MACROD2: variants seen among roughly 807,000 people sequenced by gnomAD.
The protein encoded by MACROD2 is ADP-ribose glycohydrolase MACROD2.
MACROD2 carries 36 observed loss-of-function variants against 70.4 expected under a neutral mutation model. That is an observed-to-expected ratio of 0.51 (90% CI 0.39 to 0.68). The LOEUF (loss-of-function observed/expected upper bound fraction) is 0.68, where lower values mean the gene tolerates loss of function less well. MACROD2 is among the 30% of genes least tolerant of loss of function. The pLI is 0.00. For missense variants in MACROD2, 496 were observed against 538.4 expected, an observed-to-expected ratio of 0.92 and a Z score of 0.78; for synonymous variants, 172 against 178.8, an observed-to-expected ratio of 0.96 and a Z score of 0.30.
chr20:14,852,238 G>C (rs2073207079), intron 5 of MACROD2, among the ~76,000 whole-genome samples: 1 of 151,980 alleles, frequency 6.6e-6, no homozygotes, highest in Non-Finnish European at 1.5e-5. Context: ...AAGAAACCAA[G>C]GTACAACAGT....
Position 15,947,066 on chromosome 20 carries a change from G to A in MACROD2, c.907+9522G>A, listed in dbSNP as rs191749898. Among the ~76,000 whole-genome samples the A allele has an allele frequency of 4.7e-3, 709 of 152,246 alleles. 1 individual carries two copies. Among genetic ancestry groups the A allele is most frequent in the Middle Eastern group, 0.017 (5 of 294 alleles). On this transcript the variant is annotated intron_variant, in intron 12 of 17. Transcript: ENST00000684519. ...ATAATAAAGCAGCATTGCTGCCAAC[G>A]TGTCTCGACTCCCGCCACAGGGCGG...
intron 5 of MACROD2, among the ~76,000 whole-genome samples, chr20:14,714,680 C>T (rs1487937235): frequency 6.6e-6 from 1 of 152,104 alleles, no homozygotes; most frequent in East Asian, 1.9e-4. Flanking sequence ...TTTCCTCTTC[C>T]TGGCATTCTC....
chr20:14,350,279 T>A (rs2083110265), intron 3 of MACROD2, among the ~76,000 whole-genome samples: 1 of 152,052 alleles, frequency 6.6e-6, no homozygotes, highest in Admixed American at 6.5e-5. Flanking sequence ...GAGAGCTCTA[T>A]TTTTAGTTTT....
At chr20:15,083,369 A>G (rs1257285782) in intron 5 of MACROD2, among the ~76,000 whole-genome samples, 1 of 152,088 alleles carries the variant, frequency 6.6e-6, no homozygotes, top group African/African-American at 2.4e-5. Context: ...ATCATTCCCT[A>G]TTTTATTCTT....
chr20:14,463,691 A>G (rs1268656840), intron 3 of MACROD2, among the ~76,000 whole-genome samples: 1 of 152,026 alleles, frequency 6.6e-6, no homozygotes, highest in African/African-American at 2.4e-5. Context: ...AGCTCTTATT[A>G]TTTTGAGATA....
intron 3 of MACROD2, among the ~76,000 whole-genome samples, chr20:14,215,489 G>A (rs143392844): frequency 3.3e-5 from 5 of 151,800 alleles, no homozygotes; most frequent in Admixed American, 6.6e-5. Flanking sequence ...TATCTTTTTC[G>A]AATAATGACT....
intron 7 of MACROD2, among the ~76,000 whole-genome samples, chr20:15,494,638 A>C (rs2047271364): frequency 6.6e-6 from 1 of 152,066 alleles, no homozygotes; most frequent in Non-Finnish European, 1.5e-5. Flanking sequence ...TGATCATAGA[A>C]GTCAGAATAG....
At chr20:14,395,451 T>C (rs1375380107) in intron 3 of MACROD2, among the ~76,000 whole-genome samples, 1 of 152,140 alleles carries the variant, frequency 6.6e-6, no homozygotes, top group Non-Finnish European at 1.5e-5. Flanking sequence ...TTTCTCTCAG[T>C]ACTAATTTTT....
chr20:15,690,761 T>A (rs1251965414), intron 8 of MACROD2, among the ~76,000 whole-genome samples: 1 of 152,152 alleles, frequency 6.6e-6, no homozygotes, highest in Non-Finnish European at 1.5e-5. Flanking sequence ...AAACTCAAAA[T>A]CTAAAATAGA....
chr20:14,806,671 A>G (rs940015367), intron 5 of MACROD2, among the ~76,000 whole-genome samples: 3 of 152,110 alleles, frequency 2.0e-5, no homozygotes, highest in African/African-American at 7.2e-5. Context: ...CACGGAGACC[A>G]GCAAGCTAAT....
chr20:14,463,930 G>A (rs1166140218), intron 3 of MACROD2, among the ~76,000 whole-genome samples: 1 of 151,744 alleles, frequency 6.6e-6, no homozygotes, highest in Non-Finnish European at 1.5e-5. Context: ...ACTGGGTTTG[G>A]TTTGCCAGTA....
At chr20:15,977,302 A>G (rs149417722) in intron 13 of MACROD2, among the ~76,000 whole-genome samples, 5 of 152,364 alleles carry the variant, frequency 3.3e-5, no homozygotes, top group African/African-American at 7.2e-5. Flanking sequence ...ACAAACGTCA[A>G]TGTGACTGGA....
In MACROD2 at chr20:14,788,763, GTTTTTTTTTTT is replaced by G. The variant is rs1195877119; in HGVS notation, c.418+103817_418+103827del. Among the ~76,000 whole-genome samples the G allele has an allele frequency of 5.0e-5, 4 of 79,476 alleles. No individual in the cohort carries two copies. The East Asian group carries it at 1.5e-3, about 29-fold the overall frequency. The allele number at this position is 79,476 out of a possible 152,430, so 52.1% of individuals were successfully genotyped here. ...AAAAATTCCTCAAACTAGTGGTGGT[GTTTTTTTTTTT>G]TTTTTTTTTTTTGAGACAGACTCTT... is the stretch of plus-strand genomic sequence containing the variant. On this transcript the variant is annotated intron_variant, in intron 5 of 17. Transcript: ENST00000684519.
At chr20:15,219,201 A>C (rs1169436871) in intron 5 of MACROD2, among the ~76,000 whole-genome samples, 1 of 152,212 alleles carries the variant, frequency 6.6e-6, no homozygotes, top group Non-Finnish European at 1.5e-5. Flanking sequence ...GTTGCATTGG[A>C]AAAGTAAATA....
intron 4 of MACROD2, chr20:14,628,854 C>G (rs1984343634): frequency 6.6e-6 from 1 of 152,130 alleles, no homozygotes; most frequent in East Asian, 1.9e-4. Context: ...TTAGAAGATA[C>G]TATTTAGTGT....
chr20:15,402,226 A>T (rs1207894246), intron 6 of MACROD2, among the ~76,000 whole-genome samples: 2 of 152,174 alleles, frequency 1.3e-5, no homozygotes, highest in Non-Finnish European at 2.9e-5. Flanking sequence ...TGCACACGGC[A>T]TTATAGATAC....
At chr20:14,150,067 C>G (rs749313629) in intron 3 of MACROD2, among the ~76,000 whole-genome samples, 1 of 152,056 alleles carries the variant, frequency 6.6e-6, no homozygotes, top group Non-Finnish European at 1.5e-5. Context: ...CTCTCCCCAC[C>G]TTTCCCCCAT....
intron 12 of MACROD2, among the ~76,000 whole-genome samples, chr20:15,958,078 C>A (rs1457743619): frequency 6.6e-6 from 1 of 152,194 alleles, no homozygotes; most frequent in African/African-American, 2.4e-5. Context: ...TTATTCTTTT[C>A]ATCAATATGA....
chr20:14,255,561 G>T (rs1044762049), intron 3 of MACROD2, among the ~76,000 whole-genome samples: 9 of 151,920 alleles, frequency 5.9e-5, no homozygotes, highest in Admixed American at 5.9e-4. Flanking sequence ...GGGAGGGATA[G>T]CATTAGGAGA....
Sources: gnomAD v4.1 joint callset for allele counts (sites outside exome capture counted in the v4.1 genomes callset) on GRCh38, gnomAD v4.1.1 for gene constraint, MANE v1.5 for transcripts, NCBI Gene and HGNC (gene_info 2026-07-23, HGNC 2026-07-21) for gene names.